The following ELP3 variants were observed in gnomAD, a reference collection of about 807,000 sequenced individuals.
The protein encoded by ELP3 is elongator complex protein 3.
Under a neutral mutation model 74.9 loss-of-function variants are expected in ELP3, and 56 were observed. That is an observed-to-expected ratio of 0.75 (90% CI 0.60 to 0.93). The LOEUF is 0.93. Ranked by LOEUF, ELP3 falls within the 40% of genes least tolerant of loss-of-function variation. The pLI is 0.00. For synonymous variants in ELP3, 222 were observed against 239.8 expected (o/e 0.93, Z 0.68); for missense variants, 573 against 686.5 (o/e 0.83, Z 1.85).
intron 14 of ELP3, among the ~76,000 whole-genome samples, chr8:28,178,659 T>C (rs1031274742): frequency 6.6e-6 from 1 of 152,248 alleles, no homozygotes; most frequent in Non-Finnish European, 1.5e-5. Flanking sequence ...TTCTGTAGAA[T>C]GTACACCTAA....
chr8:28,153,402 A>C lies in ELP3; in HGVS notation c.1101-2540A>C, dbSNP rs28477122. ...TTAATACCTGTCCACATTTGTCCCT[A>C]TCAAGTTTCAAAGTATGCTGTTTAG... On this transcript the variant is annotated intron_variant, in intron 10 of 14. Coordinates refer to ENST00000256398, the MANE Select transcript of ELP3 (RefSeq NM_018091.6). Among the ~76,000 whole-genome samples the C allele has an allele frequency of 5.5e-3, 833 of 152,344 alleles. 13 individuals are homozygous for C. Among genetic ancestry groups the C allele is most frequent in the African/African-American group, 0.019 (800 of 41,578 alleles).
At chr8:28,105,082 A>G (rs1458358356) in intron 3 of ELP3, among the ~76,000 whole-genome samples, 3 of 152,188 alleles carry the variant, frequency 2.0e-5, no homozygotes, top group African/African-American at 4.8e-5. Context: ...TTCTAGCACA[A>G]TAAAATGTTC....
At chr8:28,161,922 C>G (rs1201591123) in intron 13 of ELP3, 75 bp from the exon 14 acceptor site, 5 of 1,447,158 alleles carry the variant, frequency 3.5e-6, no homozygotes, top group Non-Finnish European at 4.8e-6. Flanking sequence ...AGTATATAGC[C>G]TTCTTGTTTT....
At chr8:28,172,366 C>G (rs1369585969) in intron 14 of ELP3, among the ~76,000 whole-genome samples, 1 of 152,026 alleles carries the variant, frequency 6.6e-6, no homozygotes, top group Non-Finnish European at 1.5e-5. Flanking sequence ...TCTTGCACCT[C>G]TTTGCTTAAA....
At chr8:28,120,344 C>CT (rs1467127809) in intron 7 of ELP3, among the ~76,000 whole-genome samples, 1 of 152,100 alleles carries the variant, frequency 6.6e-6, no homozygotes, top group Non-Finnish European at 1.5e-5. Context: ...ATGTTGAACA[C>CT]TTTTTTAGTA....
At chr8:28,129,328 A>G (rs760531184) in intron 7 of ELP3, 174 bp from the exon 8 acceptor site, 10 of 616,092 alleles carry the variant, frequency 1.6e-5, no homozygotes, top group Non-Finnish European at 2.6e-5. Flanking sequence ...TAGCATCCCC[A>G]TGTGCATAGT....
intron 7 of ELP3, among the ~76,000 whole-genome samples, chr8:28,122,400 G>C (rs1812408155): frequency 6.6e-6 from 1 of 152,192 alleles, no homozygotes; most frequent in East Asian, 1.9e-4. Context: ...ACGTTTGCTA[G>C]AACTCACCAG....
chr8:28,090,904 CTTTTTTTTTT>C (rs71222535), upstream of ELP3, among the ~76,000 whole-genome samples: 4 of 77,394 alleles, frequency 5.2e-5, no homozygotes, highest in African/African-American at 8.3e-5. Flanking sequence ...TAAATGTTTC[CTTTTTTTTTT>C]TTTTTTTTTT....
chr8:28,128,838 T>C (rs1363643011), intron 7 of ELP3, among the ~76,000 whole-genome samples: 1 of 152,188 alleles, frequency 6.6e-6, no homozygotes, highest in African/African-American at 2.4e-5. Flanking sequence ...TCTGCCTCTT[T>C]GGCCAGCATT....
At chr8:28,093,013 C>T (rs1811100096), upstream of ELP3, 1 of 818,162 alleles carries the variant, frequency 1.2e-6, no homozygotes, top group Non-Finnish European at 2.0e-6. Flanking sequence ...GCCTAGGGGC[C>T]TCACGGGCCG....
In ELP3 at chr8:28,099,902, C is replaced by T; in HGVS notation, c.194C>T (p.Pro65Leu). The T allele has an allele frequency of 1.2e-6, 2 of 1,614,218 alleles. No individual in the cohort carries two copies. Among genetic ancestry groups the T allele is most frequent in the Non-Finnish European group, 1.7e-6 (2 of 1,180,050 alleles). The part of the protein sequence containing the change: ...PRLVDIIAAV[P>L]PQYRKVLMPK... ...CTGGTGGATATCATTGCTGCCGTCCCTCCTCAGTATCGCAAGGTCTTGATG... is the reference window on the plus strand; with the variant it reads ...CTGGTGGATATCATTGCTGCCGTCCTTCCTCAGTATCGCAAGGTCTTGATG... The change falls in exon 3 of 15, where the codon CCT becomes CTT. Residue 65 changes from proline to leucine, a missense_variant. Coordinates refer to ENST00000256398, the MANE Select transcript of ELP3 (RefSeq NM_018091.6).
chr8:28,174,903 G>A (rs941587723), intron 14 of ELP3, among the ~76,000 whole-genome samples: 12 of 152,082 alleles, frequency 7.9e-5, no homozygotes, highest in Non-Finnish European at 1.5e-4. Context: ...GGATAGTTTT[G>A]TTGGATATAG....
rs73573252 is a variant in ELP3, at chr8:28,093,568, G to C, written c.19+335G>C. ...TTTCATTTGTTAAGATTTGTTTCACGACACATTTGACGTGTTAGAGAGTTT... is the reference window on the plus strand; with the variant it reads ...TTTCATTTGTTAAGATTTGTTTCACCACACATTTGACGTGTTAGAGAGTTT... On this transcript the variant is annotated intron_variant, in intron 1 of 14. Transcript: ENST00000256398. 7.6e-3 allele frequency: 2,906 copies of C among 381,528 alleles called. 75 individuals carry two copies. The highest frequency in any genetic ancestry group is 0.053 in the African/African-American group (2,503 of 47,590). 23.6% of individuals were successfully genotyped at this position (381,528 alleles called of 1,614,324 possible). A position where few individuals can be genotyped will look rare whatever the true frequency, so the allele number is the denominator to read the frequency against.
intron 7 of ELP3, among the ~76,000 whole-genome samples, chr8:28,116,757 A>AC (rs1390435982): frequency 6.6e-6 from 1 of 152,126 alleles, no homozygotes. Context: ...AACAACAACA[A>AC]AAAAAACTGA....
chr8:28,114,513 T>G (rs187477574), intron 7 of ELP3, among the ~76,000 whole-genome samples: 5 of 150,770 alleles, frequency 3.3e-5, no homozygotes. Context: ...TGCAGGGAGG[T>G]GCCACACTCT....
At chr8:28,091,096 C>T (rs940941587), upstream of ELP3, among the ~76,000 whole-genome samples, 12 of 151,758 alleles carry the variant, frequency 7.9e-5, no homozygotes, top group Non-Finnish European at 1.2e-4. Context: ...TTAGTGGAGA[C>T]GGGGTTTCAT....
chr8:28,178,101 T>C (rs1814836303), intron 14 of ELP3, among the ~76,000 whole-genome samples: 1 of 152,210 alleles, frequency 6.6e-6, no homozygotes, highest in Non-Finnish European at 1.5e-5. Context: ...TTATAAAATG[T>C]TAAATAACAC....
chr8:28,134,787 A>AT (rs899674883), intron 9 of ELP3, among the ~76,000 whole-genome samples: 5 of 151,950 alleles, frequency 3.3e-5, no homozygotes, highest in African/African-American at 1.2e-4. Flanking sequence ...TTTATTACAG[A>AT]TTTTTTTTAT....
chr8:28,098,748 T>TA (rs1274449244), intron 2 of ELP3, among the ~76,000 whole-genome samples: 3 of 152,238 alleles, frequency 2.0e-5, no homozygotes, highest in African/African-American at 7.2e-5. Flanking sequence ...TCTGCTTGTA[T>TA]TTCTTAAAAT....
Sources: gnomAD v4.1 joint callset for allele counts (sites outside exome capture counted in the v4.1 genomes callset) on GRCh38, gnomAD v4.1.1 for gene constraint, MANE v1.5 for transcripts, NCBI Gene and HGNC (gene_info 2026-07-23, HGNC 2026-07-21) for gene names.